PGBD2: variants seen among roughly 807,000 people sequenced by gnomAD.
PGBD2 encodes piggyBac transposable element derived 2.
A neutral mutation model predicts 8.1 loss-of-function variants in PGBD2; 6 were observed. The ratio of observed to expected loss-of-function variants is 0.74; its 90% CI spans 0.40 to 1.46. PGBD2 has a LOEUF of 1.46. Ranked by LOEUF, PGBD2 falls within the 40% of genes most tolerant of loss-of-function variation. The pLI is 0.02. For synonymous variants in PGBD2, 318 were observed against 272.2 expected, an observed-to-expected ratio of 1.17 and a Z score of -1.66; for missense variants, 802 against 739.0, an observed-to-expected ratio of 1.09 and a Z score of -0.99.
In PGBD2 at chr1:248,917,685, G is replaced by T. The variant is rs1013599945; in HGVS notation, c.1101G>T (p.Gly367=). 2 of 1,614,110 alleles carry T rather than the reference G, an allele frequency of 1.2e-6. No homozygotes were observed. Among genetic ancestry groups the T allele is most frequent in the African/African-American group, 1.3e-5 (1 of 74,924 alleles). The change falls in exon 3 of 3, where the codon GGG becomes GGT. Residue 367 remains glycine, a synonymous_variant. Transcript: ENST00000329291. ...VKLMSILRKK[G]VKATGTVREY... ...TGATGTCCATTTTGAGGAAAAAGGG[G>T]GTGAAAGCCACAGGAACTGTTCGTG... is the stretch of plus-strand genomic sequence containing the variant.
rs1286100337 is a variant in PGBD2 at position 248,916,270 on chromosome 1, C to T, written c.18-332C>T. ...CTACTAAAAATATAAAAAAATTAGC[C>T]GGGCATGGTGGCACGCACCTGTAGT... On this transcript the variant is annotated intron_variant, in intron 2 of 2. Coordinates refer to ENST00000329291, the MANE Select transcript of PGBD2 (RefSeq NM_170725.3). Among the ~76,000 whole-genome samples the T allele has an allele frequency of 5.3e-5, 8 of 152,044 alleles. No individual in the cohort carries two copies. In the East Asian group the frequency reaches 5.8e-4, roughly 11 times the overall value.
At chr1:248,906,434 C>T (rs937593468) in intron 1 of PGBD2, 92 bp downstream of exon 1, 1 of 152,010 alleles carries the variant, frequency 6.6e-6, no homozygotes, top group East Asian at 1.9e-4. Context: ...CGGCGGCATC[C>T]GAGGAGTTCG....
At chr1:248,908,788 G>A (rs534990355) in intron 1 of PGBD2, among the ~76,000 whole-genome samples, 149 of 151,352 alleles carry the variant, frequency 9.8e-4, no homozygotes, top group Admixed American at 1.7e-3. Context: ...ACCCTGTCCC[G>A]CAGATTCCTT....
chr1:248,873,108 G>A, the PGBD2 span, among the ~76,000 whole-genome samples: 2 of 152,176 alleles, frequency 1.3e-5, no homozygotes, highest in Non-Finnish European at 2.9e-5. Context: ...GTGGACACTC[G>A]ATGTTAAGAT....
At chr1:248,873,842 T>C in the PGBD2 span, among the ~76,000 whole-genome samples, 7 of 152,342 alleles carry the variant, frequency 4.6e-5, no homozygotes, top group South Asian at 2.1e-4. Flanking sequence ...TGAGAAGCGC[T>C]CTGCTTCCGA....
rs756668854 is a variant in PGBD2, at chr1:248,917,775, A to C, written c.1191A>C (p.Ser397=). 6.2e-7 allele frequency: 1 copy of C among 1,614,236 alleles called. No individual in the cohort carries two copies. Among genetic ancestry groups the C allele is most frequent in the Non-Finnish European group, 8.5e-7 (1 of 1,180,040 alleles). The change falls in exon 3 of 3, where the codon TCA becomes TCC. Residue 397 remains serine (S), a synonymous_variant. Transcript: ENST00000329291. ...AACTGAAAAAAATGAAGAGGGGTTC[A>C]TTTGATTACAAAGTCGATGAGAGTG... ...PKELKKMKRG[S]FDYKVDESEE...
At chr1:248,916,342 A>T (rs1662097008) in intron 2 of PGBD2, among the ~76,000 whole-genome samples, 1 of 152,112 alleles carries the variant, frequency 6.6e-6, no homozygotes, top group Non-Finnish European at 1.5e-5. Context: ...TGAACCCAGG[A>T]GGCGGAGGTT....
intron 2 of PGBD2, among the ~76,000 whole-genome samples, chr1:248,916,081 A>C (rs1163372990): frequency 6.6e-6 from 1 of 152,176 alleles, no homozygotes; most frequent in South Asian, 2.1e-4. Context: ...AGACCCGTTT[A>C]TTCCGTCTCC....
At chr1:248,915,998 C>G (rs758573970) in intron 2 of PGBD2, among the ~76,000 whole-genome samples, 9 of 152,226 alleles carry the variant, frequency 5.9e-5, no homozygotes, top group Non-Finnish European at 1.0e-4. Flanking sequence ...GTGATGACAG[C>G]AGCATCTGGA....
chr1:248,889,116 G>A, the PGBD2 span, among the ~76,000 whole-genome samples: 1 of 152,188 alleles, frequency 6.6e-6, no homozygotes, highest in African/African-American at 2.4e-5. Context: ...GCCGGTAACT[G>A]TGGCTCACGC....
At chr1:248,926,357 T>C in the PGBD2 span, among the ~76,000 whole-genome samples, 1 of 152,166 alleles carries the variant, frequency 6.6e-6, no homozygotes, top group African/African-American at 2.4e-5. Flanking sequence ...TATTAAAACA[T>C]ATTTGTCTTC....
intron 2 of PGBD2, among the ~76,000 whole-genome samples, chr1:248,914,112 A>C (rs2103112111): frequency 6.6e-6 from 1 of 152,260 alleles, no homozygotes; most frequent in East Asian, 1.9e-4. Flanking sequence ...TCGATAGAAA[A>C]CCATGACTTC....
At chr1:248,926,638 C>T in the PGBD2 span, among the ~76,000 whole-genome samples, 1 of 152,112 alleles carries the variant, frequency 6.6e-6, no homozygotes, top group Non-Finnish European at 1.5e-5. Context: ...AAACACAAAC[C>T]ACAACTCTCT....
chr1:248,894,341 C>T, the PGBD2 span, among the ~76,000 whole-genome samples: 1 of 151,934 alleles, frequency 6.6e-6, no homozygotes, highest in African/African-American at 2.4e-5. Flanking sequence ...TTGCCTGGAC[C>T]TAGAAAAGTC....
rs1466498768 is a variant in PGBD2, at chr1:248,917,228, C to G, written c.644C>G (p.Ala215Gly). ...TCACATCATCATCTTGTGGCTGATG[C>G]AATTAGAAGGGACAGATTTGAACTA... ...PDSHHHLVAD[A>G]IRRDRFELIF... is the part of the protein sequence containing the mutation. Residue 215 changes from alanine to glycine, a missense_variant, in exon 3 of 3, where the codon GCA becomes GGA. Physicochemically the swap from Ala to Gly is moderately conservative, Grantham distance 60. Coordinates refer to ENST00000329291, the MANE Select transcript of PGBD2 (RefSeq NM_170725.3). 6.2e-7 allele frequency: 1 copy of G among 1,614,100 alleles called. No homozygotes were observed. Among genetic ancestry groups the G allele is most frequent in the Admixed American group, 1.7e-5 (1 of 60,014 alleles).
the PGBD2 span, among the ~76,000 whole-genome samples, chr1:248,896,856 C>T: frequency 5.3e-5 from 8 of 152,200 alleles, no homozygotes; most frequent in Non-Finnish European, 1.0e-4. Flanking sequence ...TCGCCCGCTC[C>T]CAGGCCAGGG....
the PGBD2 span, among the ~76,000 whole-genome samples, chr1:248,885,018 C>T: frequency 4.6e-5 from 7 of 152,194 alleles, no homozygotes; most frequent in East Asian, 1.3e-3. Flanking sequence ...GAGGTGTATC[C>T]TACTTCCCAT....
chr1:248,874,105 A>G, the PGBD2 span, among the ~76,000 whole-genome samples: 15 of 152,206 alleles, frequency 9.9e-5, no homozygotes, highest in Non-Finnish European at 2.1e-4. Context: ...TGCCGCAGCA[A>G]GGGGGCTACC....
upstream of PGBD2, among the ~76,000 whole-genome samples, chr1:248,903,008 C>G (rs1046523230): frequency 1.3e-5 from 2 of 152,056 alleles, no homozygotes; most frequent in Admixed American, 6.5e-5. Context: ...TACCCCTGAA[C>G]TTAAAATAAA....
Sources: gnomAD v4.1 joint callset for allele counts (sites outside exome capture counted in the v4.1 genomes callset) on GRCh38, gnomAD v4.1.1 for gene constraint, MANE v1.5 for transcripts, NCBI Gene and HGNC (gene_info 2026-07-23, HGNC 2026-07-21) for gene names.